Variants in TRNP1 observed in about 807,000 individuals in gnomAD.
TRNP1 encodes TMF1 regulated nuclear protein 1, also known as TMF-regulated nuclear protein 1.
A neutral mutation model predicts 12.2 loss-of-function variants in TRNP1; 16 were observed. The ratio of observed to expected loss-of-function variants is 1.31; its 90% CI spans 0.89 to 1.99. The LOEUF is 1.99. Ranked by LOEUF, TRNP1 falls within the 30% of genes most tolerant of loss-of-function variation. TRNP1 has a pLI of 0.00. For synonymous variants in TRNP1, 139 were observed against 166.2 expected, an observed-to-expected ratio of 0.84 and a Z score of 1.26; for missense variants, 338 against 330.4, an observed-to-expected ratio of 1.02 and a Z score of -0.18.
chr1:26,994,421 C>G lies in TRNP1; in HGVS notation c.635C>G (p.Ser212Trp). Residue 212 changes from serine (S) to tryptophan (W), a missense_variant, in exon 1 of 2, where the codon TCG becomes TGG. Transcript: ENST00000522111. This position sits in a 1 kb window ranked among gnomAD's most constrained non-coding sequence, Gnocchi z 6.9. Reference sequence around the variant, plus strand: ...CGCGGCCACGGCCCCGAGCCCGACTCGCCCTTCCGCCGCAGCCCGCCCCGC... The same window carrying G: ...CGCGGCCACGGCCCCGAGCCCGACTGGCCCTTCCGCCGCAGCCCGCCCCGC... The part of the protein sequence containing the change: ...LRRGHGPEPD[S>W]PFRRSPPRGP... 8.6e-7 allele frequency: 1 copy of G among 1,168,998 alleles called. No homozygotes were observed. Among genetic ancestry groups the G allele is most frequent in the Non-Finnish European group, 1.1e-6 (1 of 947,742 alleles). The allele number at this position is 1,168,998 out of a possible 1,614,324, so 72.4% of individuals were successfully genotyped here. A position where few individuals can be genotyped will look rare whatever the true frequency, so the allele number is the denominator to read the frequency against.
At chr1:26,995,428 G>T (rs377520588) in intron 1 of TRNP1, among the ~76,000 whole-genome samples, 5 of 152,178 alleles carry the variant, frequency 3.3e-5, no homozygotes, top group East Asian at 3.9e-4. Flanking sequence ...TTCCTGTCCA[G>T]ATGCCCTTCA....
Position 26,994,027 on chromosome 1 carries a change from G to A in TRNP1, c.241G>A (p.Ala81Thr), listed in dbSNP as rs1172777324. The A allele has an allele frequency of 1.6e-6, 2 of 1,243,846 alleles. No homozygotes were observed. The highest frequency in any genetic ancestry group is 1.6e-5 in the African/African-American group (1 of 64,126). The allele number at this position is 1,243,846 out of a possible 1,614,324, so 77.1% of individuals were successfully genotyped here. ...QRWRQGASGI[A>T]GLAGPGGGSG... ...CTGGCGCCAGGGCGCTAGCGGGATC[G>A]CGGGGCTCGCCGGCCCCGGAGGGGG... is the stretch of plus-strand genomic sequence containing the variant. Residue 81 changes from alanine to threonine, a missense_variant, in exon 1 of 2, where the codon GCG becomes ACG. Physicochemically the swap from Ala to Thr is moderately conservative, Grantham distance 58. Coordinates refer to ENST00000522111, the MANE Select transcript of TRNP1 (RefSeq NM_001013642.3). The surrounding 1 kb of genome is among the most constrained non-coding windows in gnomAD (Gnocchi z 6.9).
chr1:26,996,383 C>T (rs183839530), intron 1 of TRNP1, among the ~76,000 whole-genome samples: 15 of 152,354 alleles, frequency 9.8e-5, no homozygotes, highest in Admixed American at 9.8e-4. Flanking sequence ...GCAAGGCTTT[C>T]CTGAACCCTT....
rs1255386439 is a variant in TRNP1, at chr1:26,994,631, G to C, written c.*142+19G>C. 4 of 430,716 alleles carry C rather than the reference G, an allele frequency of 9.3e-6. No individual in the cohort carries two copies. The highest frequency in any genetic ancestry group is 1.3e-5 in the Non-Finnish European group (4 of 306,560). The allele number at this position is 430,716 out of a possible 1,614,324, so 26.7% of individuals were successfully genotyped here. A position where few individuals can be genotyped will look rare whatever the true frequency, so the allele number is the denominator to read the frequency against. ...GGCTGAGGTGCGGTCTTAGCGGCTG[G>C]TGCGTTCGAGGGTCGGTCATGGCGT... On this transcript the variant is annotated intron_variant, in intron 1 of 1. Coordinates refer to ENST00000522111, the MANE Select transcript of TRNP1 (RefSeq NM_001013642.3). The surrounding 1 kb of genome is among the most constrained non-coding windows in gnomAD (Gnocchi z 6.9).
chr1:26,998,124 C>T (rs1384014715), intron 1 of TRNP1, among the ~76,000 whole-genome samples: 3 of 152,030 alleles, frequency 2.0e-5, no homozygotes, highest in Non-Finnish European at 2.9e-5. Context: ...TGGCTCACAC[C>T]TGTACTCCCA....
In TRNP1 at chr1:26,993,826, C is replaced by A; in HGVS notation, c.40C>A (p.Gln14Lys). ...CATCAGCGCCTGCGGCCCGGGGGCC[C>A]AGGAGGGGACGGCAGAGCAGAGGTC... Reference protein sequence around the residue: ...CRISACGPGAQEGTAEQRSPP... With the variant: ...CRISACGPGAKEGTAEQRSPP... Residue 14 changes from glutamine to lysine, a missense_variant, in exon 1 of 2, where the codon CAG becomes AAG. Physicochemically the swap from Gln to Lys is moderately conservative, Grantham distance 53. Coordinates refer to ENST00000522111, the MANE Select transcript of TRNP1 (RefSeq NM_001013642.3). 1 of 1,339,576 alleles carries A rather than the reference C, an allele frequency of 7.5e-7. No homozygotes were observed. The highest frequency in any genetic ancestry group is 9.5e-7 in the Non-Finnish European group (1 of 1,051,130). The allele number at this position is 1,339,576 out of a possible 1,614,324, so 83.0% of individuals were successfully genotyped here.
chr1:26,997,827 G>T (rs1415736720), intron 1 of TRNP1, among the ~76,000 whole-genome samples: 1 of 152,148 alleles, frequency 6.6e-6, no homozygotes, highest in African/African-American at 2.4e-5. Context: ...GGCAGTGTGG[G>T]GCTGCTTTCT....
rs1339512809 is a variant in TRNP1, at chr1:26,994,772, A to G, written c.*142+160A>G. 1 of 163,188 alleles carries G rather than the reference A, an allele frequency of 6.1e-6. No individual in the cohort carries two copies. Among genetic ancestry groups the G allele is most frequent in the East Asian group, 1.7e-4 (1 of 6,012 alleles). 10.1% of individuals were successfully genotyped at this position (163,188 alleles called of 1,614,324 possible). A position where few individuals can be genotyped will look rare whatever the true frequency, so the allele number is the denominator to read the frequency against. ...GCCTCTCCCGACCATCTGGAGAGTGAGAGGTGGTAGCATCAAGTCTCCATT... is the reference window on the plus strand; with the variant it reads ...GCCTCTCCCGACCATCTGGAGAGTGGGAGGTGGTAGCATCAAGTCTCCATT... On this transcript the variant is annotated intron_variant, in intron 1 of 1. Transcript: ENST00000522111. The surrounding 1 kb of genome is among the most constrained non-coding windows in gnomAD (Gnocchi z 6.9).
Position 27,000,174 on chromosome 1 carries a change from C to T in TRNP1, c.*470C>T, listed in dbSNP as rs574256863. On this transcript the variant is annotated 3_prime_UTR_variant, in exon 2 of 2. Transcript: ENST00000522111. Reference sequence around the variant, plus strand: ...AAATAATTTATTTTTTTTCCCTTTCCCCCTACCCCATCCCCAGCCAAGAAT... The same window carrying T: ...AAATAATTTATTTTTTTTCCCTTTCTCCCTACCCCATCCCCAGCCAAGAAT... The T allele has an allele frequency of 5.1e-4, 77 of 152,248 alleles. No individual in the cohort carries two copies. The highest frequency in any genetic ancestry group is 1.7e-3 in the African/African-American group (72 of 41,552). The allele number at this position is 152,248 out of a possible 1,614,324, so 9.4% of individuals were successfully genotyped here.
In TRNP1 at chr1:26,994,355, G is replaced by C. The variant is rs926429346; in HGVS notation, c.569G>C (p.Gly190Ala). The C allele has an allele frequency of 6.4e-6, 7 of 1,086,386 alleles. No homozygotes were observed. In the African/African-American group the frequency reaches 1.0e-4, roughly 16 times the overall value. 67.3% of individuals were successfully genotyped at this position (1,086,386 alleles called of 1,614,324 possible). The change falls in exon 1 of 2, where the codon GGC becomes GCC. Residue 190 changes from glycine to alanine, a missense_variant. Transcript: ENST00000522111. The surrounding 1 kb of genome is among the most constrained non-coding windows in gnomAD (Gnocchi z 6.9). ...CCCGCGCTGCTGGCCTCGGCGCTGG[G>C]CCTGGGCGGCTGCGTGCCCTGGGGT... ...RPPALLASALGLGGCVPWGAG... is the reference protein window; with the variant it reads ...RPPALLASALALGGCVPWGAG...
chr1:26,994,405 G>C lies in TRNP1; in HGVS notation c.619G>C (p.Gly207Arg). The C allele has an allele frequency of 4.4e-6, 5 of 1,142,174 alleles. No individual in the cohort carries two copies. The highest frequency in any genetic ancestry group is 5.4e-6 in the Non-Finnish European group (5 of 931,274). 70.8% of individuals were successfully genotyped at this position (1,142,174 alleles called of 1,614,324 possible). The change falls in exon 1 of 2, where the codon GGC (glycine) becomes CGC (arginine). Residue 207 changes from glycine to arginine, a missense_variant. Physicochemically the swap from Gly to Arg is moderately radical, Grantham distance 125. Transcript: ENST00000522111. This position sits in a 1 kb window ranked among gnomAD's most constrained non-coding sequence, Gnocchi z 6.9. The stretch of plus-strand genomic sequence containing the variant: ...TGCCGGGCGACTGCGGCGCGGCCAC[G>C]GCCCCGAGCCCGACTCGCCCTTCCG... ...WGAGRLRRGH[G>R]PEPDSPFRRS...
Position 26,993,824 on chromosome 1 carries a change from C to A in TRNP1, c.38C>A (p.Ala13Asp). The change falls in exon 1 of 2, where the codon GCC becomes GAC. Residue 13 changes from alanine (A) to aspartate (D), a missense_variant. Ala to Asp is a moderately radical substitution (Grantham distance 126). Coordinates refer to ENST00000522111, the MANE Select transcript of TRNP1 (RefSeq NM_001013642.3). Reference sequence around the variant, plus strand: ...CGCATCAGCGCCTGCGGCCCGGGGGCCCAGGAGGGGACGGCAGAGCAGAGG... The same window carrying A: ...CGCATCAGCGCCTGCGGCCCGGGGGACCAGGAGGGGACGGCAGAGCAGAGG... ...GCRISACGPG[A>D]QEGTAEQRSP... The A allele has an allele frequency of 7.5e-7, 1 of 1,339,124 alleles. No individual in the cohort carries two copies. The highest frequency in any genetic ancestry group is 9.5e-7 in the Non-Finnish European group (1 of 1,050,906). The allele number at this position is 1,339,124 out of a possible 1,614,324, so 83.0% of individuals were successfully genotyped here. A position where few individuals can be genotyped will look rare whatever the true frequency, so the allele number is the denominator to read the frequency against.
Position 26,994,393 on chromosome 1 carries a change from C to T in TRNP1, c.607C>T (p.Arg203Trp), listed in dbSNP as rs1227954498. Residue 203 changes from arginine to tryptophan, a missense_variant, in exon 1 of 2, where the codon CGG becomes TGG. Physicochemically the swap from Arg to Trp is moderately radical, Grantham distance 101. Transcript: ENST00000522111. This position sits in a 1 kb window ranked among gnomAD's most constrained non-coding sequence, Gnocchi z 6.9. ...CGTGCCCTGGGGTGCCGGGCGACTG[C>T]GGCGCGGCCACGGCCCCGAGCCCGA... is the stretch of plus-strand genomic sequence containing the variant. ...GCVPWGAGRL[R>W]RGHGPEPDSP... 1.8e-6 allele frequency: 2 copies of T among 1,121,038 alleles called. No individual in the cohort carries two copies. Among genetic ancestry groups the T allele is most frequent in the Non-Finnish European group, 2.2e-6 (2 of 917,990 alleles). 69.4% of individuals were successfully genotyped at this position (1,121,038 alleles called of 1,614,324 possible). A position where few individuals can be genotyped will look rare whatever the true frequency, so the allele number is the denominator to read the frequency against.
chr1:26,994,416 C>G lies in TRNP1; in HGVS notation c.630C>G (p.Pro210=). Residue 210 remains proline (P), a synonymous_variant, in exon 1 of 2, where the codon CCC becomes CCG. Transcript: ENST00000522111. The surrounding 1 kb of genome is among the most constrained non-coding windows in gnomAD (Gnocchi z 6.9). ...TGCGGCGCGGCCACGGCCCCGAGCCCGACTCGCCCTTCCGCCGCAGCCCGC... is the reference window on the plus strand; with the variant it reads ...TGCGGCGCGGCCACGGCCCCGAGCCGGACTCGCCCTTCCGCCGCAGCCCGC... ...GRLRRGHGPE[P]DSPFRRSPPR... 8.6e-7 allele frequency: 1 copy of G among 1,162,738 alleles called. No homozygotes were observed. 72.0% of individuals were successfully genotyped at this position (1,162,738 alleles called of 1,614,324 possible). A position where few individuals can be genotyped will look rare whatever the true frequency, so the allele number is the denominator to read the frequency against.
intron 1 of TRNP1, among the ~76,000 whole-genome samples, chr1:26,996,942 C>A (rs951259176): frequency 6.6e-6 from 1 of 152,126 alleles, no homozygotes; most frequent in African/African-American, 2.4e-5. Flanking sequence ...TGAACCCCAG[C>A]TCCTAGTTAG....
intron 1 of TRNP1, among the ~76,000 whole-genome samples, chr1:26,999,645 C>T (rs2124197056): frequency 6.6e-6 from 1 of 152,252 alleles, no homozygotes; most frequent in South Asian, 2.1e-4. Flanking sequence ...TCTAACTGCT[C>T]AGGCTAGGGG....
In TRNP1 at chr1:26,994,889, C is replaced by A. The variant is rs1411132978; in HGVS notation, c.*142+277C>A. Among the ~76,000 whole-genome samples the A allele has an allele frequency of 6.6e-6, 1 of 152,188 alleles. No homozygotes were observed. The highest frequency in any genetic ancestry group is 2.4e-5 in the African/African-American group (1 of 41,448). On this transcript the variant is annotated intron_variant, in intron 1 of 1. Coordinates refer to ENST00000522111, the MANE Select transcript of TRNP1 (RefSeq NM_001013642.3). The surrounding 1 kb of genome is among the most constrained non-coding windows in gnomAD (Gnocchi z 6.9). Reference sequence around the variant, plus strand: ...GGAACCTGCCGCACGGATGCAGCACCCCCCATCCTCACCCCCACTTGCGTG... The same window carrying A: ...GGAACCTGCCGCACGGATGCAGCACACCCCATCCTCACCCCCACTTGCGTG...
At chr1:26,997,447 C>T (rs2124194805) in intron 1 of TRNP1, among the ~76,000 whole-genome samples, 1 of 152,154 alleles carries the variant, frequency 6.6e-6, no homozygotes, top group East Asian at 1.9e-4. Flanking sequence ...GCTTATGTCT[C>T]CTGGCTCTTT....
rs1206416558 is a variant in TRNP1, at chr1:27,000,802, C to T, written c.*1098C>T. On this transcript the variant is annotated 3_prime_UTR_variant, in exon 2 of 2. Transcript: ENST00000522111. ...GCCCTGTTGACTTTGATTTGCAGAC[C>T]AATTCTCCCTTGACCTGACTCACAG... 6.6e-6 allele frequency: 1 copy of T among 152,172 alleles called. No individual in the cohort carries two copies. Among genetic ancestry groups the T allele is most frequent in the Non-Finnish European group, 1.5e-5 (1 of 68,064 alleles). 9.4% of individuals were successfully genotyped at this position (152,172 alleles called of 1,614,324 possible).
Sources: gnomAD v4.1 joint callset for allele counts (sites outside exome capture counted in the v4.1 genomes callset) on GRCh38, gnomAD v4.1.1 for gene constraint, Gnocchi (gnomAD v3.1) non-coding constraint, MANE v1.5 for transcripts, NCBI Gene and HGNC (gene_info 2026-07-23, HGNC 2026-07-21) for gene names.